Variants in LUZP2 observed in about 807,000 individuals in gnomAD.
LUZP2 encodes the protein leucine zipper protein 2.
Under a neutral mutation model 51.6 loss-of-function variants are expected in LUZP2, and 52 were observed. That is an observed-to-expected ratio of 1.01 (90% confidence interval 0.81 to 1.27). The LOEUF (loss-of-function observed/expected upper bound fraction) is 1.27, where lower values mean the gene tolerates loss of function less well. Among genes scored for constraint, LUZP2 ranks in the 50% most tolerant of loss-of-function variants. LUZP2 has a pLI of 0.00. For missense variants in LUZP2, 436 were observed against 395.4 expected (o/e 1.10, Z -0.87); for synonymous variants, 154 against 137.3 (o/e 1.12, Z -0.85).
At chr11:25,026,310 A>T (rs1487286347) in intron 9 of LUZP2, among the ~76,000 whole-genome samples, 1 of 152,164 alleles carries the variant, frequency 6.6e-6, no homozygotes, top group Non-Finnish European at 1.5e-5. Flanking sequence ...GTAAAAATAA[A>T]ATAAAATAAG....
chr11:24,745,030 T>C (rs1859326179), intron 4 of LUZP2, among the ~76,000 whole-genome samples: 1 of 152,204 alleles, frequency 6.6e-6, no homozygotes, highest in South Asian at 2.1e-4. Context: ...AAGGTTTCTT[T>C]TGGAGTTGAT....
chr11:24,943,809 C>A (rs1377547087), intron 7 of LUZP2, among the ~76,000 whole-genome samples: 4 of 147,244 alleles, frequency 2.7e-5, no homozygotes, highest in African/African-American at 1.0e-4. Context: ...ACCCAGGAGG[C>A]AGAGGTTGTA....
chr11:24,568,328 A>G (rs1454969513), intron 1 of LUZP2, among the ~76,000 whole-genome samples: 3 of 142,630 alleles, frequency 2.1e-5, no homozygotes, highest in Non-Finnish European at 4.6e-5. Context: ...CCACTGCACT[A>G]GGCTGACAGA....
chr11:24,905,205 T>C (rs2133786361), intron 5 of LUZP2, among the ~76,000 whole-genome samples: 1 of 152,138 alleles, frequency 6.6e-6, no homozygotes, highest in East Asian at 1.9e-4. Context: ...ACTAGACATG[T>C]TATCCAAACA....
intron 7 of LUZP2, among the ~76,000 whole-genome samples, chr11:24,916,077 A>G (rs1401063612): frequency 6.6e-6 from 1 of 152,076 alleles, no homozygotes; most frequent in Non-Finnish European, 1.5e-5. Context: ...CATCCTAAAA[A>G]TAATGACACA....
chr11:24,952,783 G>A (rs762346192), intron 7 of LUZP2, among the ~76,000 whole-genome samples: 2 of 151,872 alleles, frequency 1.3e-5, no homozygotes, highest in Non-Finnish European at 2.9e-5. Flanking sequence ...AGAACTTGCT[G>A]TGTAACACTA....
chr11:24,623,014 C>G (rs1286323125), intron 1 of LUZP2, among the ~76,000 whole-genome samples: 1 of 152,030 alleles, frequency 6.6e-6, no homozygotes, highest in Non-Finnish European at 1.5e-5. Context: ...TCATCAATTT[C>G]CATTCCGCCC....
intron 9 of LUZP2, among the ~76,000 whole-genome samples, chr11:25,036,143 A>G (rs1857852349): frequency 6.6e-6 from 1 of 152,064 alleles, no homozygotes; most frequent in African/African-American, 2.4e-5. Flanking sequence ...CAATTTTATA[A>G]GTTGATATTG....
intron 1 of LUZP2, among the ~76,000 whole-genome samples, chr11:24,531,039 T>TTTATTATTATTATTATTATA (rs1554949519): frequency 1.4e-5 from 2 of 144,838 alleles, no homozygotes; most frequent in African/African-American, 5.2e-5. Context: ...TTTAGCCTCT[T>TTTATTATTATTATTATTATA]TTATTATTAT....
At chr11:24,562,246 G>A (rs1356782454) in intron 1 of LUZP2, among the ~76,000 whole-genome samples, 1 of 152,070 alleles carries the variant, frequency 6.6e-6, no homozygotes, top group African/African-American at 2.4e-5. Context: ...CCTTATATAT[G>A]TAAGTTGGCA....
intron 5 of LUZP2, among the ~76,000 whole-genome samples, chr11:24,795,302 A>G (rs561758395): frequency 1.3e-5 from 2 of 152,188 alleles, no homozygotes; most frequent in South Asian, 2.1e-4. Flanking sequence ...CTCCACCTAG[A>G]GAAAAATTGG....
chr11:24,504,937 T>C (rs545626877), intron 1 of LUZP2, among the ~76,000 whole-genome samples: 1 of 152,298 alleles, frequency 6.6e-6, no homozygotes, highest in South Asian at 2.1e-4. Context: ...TACTCTAATT[T>C]CTAATTCTCA....
At chr11:24,572,473 T>C (rs1297902090) in intron 1 of LUZP2, among the ~76,000 whole-genome samples, 5 of 152,086 alleles carry the variant, frequency 3.3e-5, no homozygotes, top group African/African-American at 1.2e-4. Context: ...GAGTTCATTA[T>C]TCTTTGTGTA....
chr11:24,680,218 T>C lies in LUZP2; in HGVS notation c.63-48951T>C, dbSNP rs12574576. Among the ~76,000 whole-genome samples, 56 of 152,350 alleles carry C rather than the reference T, an allele frequency of 3.7e-4. No individual in the cohort carries two copies. In the East Asian group the frequency reaches 0.01, roughly 27 times the overall value. ...AAAAAGAAAGGCACAGAGTTGCTAA[T>C]GTCCTTCTGGCAGAAAAGGAGCAAG... On this transcript the variant is annotated intron_variant, in intron 1 of 11. Coordinates refer to ENST00000336930, the MANE Select transcript of LUZP2 (RefSeq NM_001009909.4).
At chr11:25,036,844 A>T (rs894950354) in intron 9 of LUZP2, among the ~76,000 whole-genome samples, 10 of 152,032 alleles carry the variant, frequency 6.6e-5, no homozygotes, top group South Asian at 2.1e-4. Flanking sequence ...TTCATTTTTA[A>T]AAAAAAATTT....
intron 7 of LUZP2, among the ~76,000 whole-genome samples, chr11:24,963,229 A>G (rs1447456747): frequency 6.6e-6 from 1 of 152,156 alleles, no homozygotes; most frequent in African/African-American, 2.4e-5. Context: ...GACCCACTTG[A>G]GGAGGCAGTC....
chr11:24,918,956 T>C (rs917681953), intron 7 of LUZP2, among the ~76,000 whole-genome samples: 1 of 145,266 alleles, frequency 6.9e-6, no homozygotes, highest in Admixed American at 6.9e-5. Flanking sequence ...ATATCCATAA[T>C]ATGTATTATA....
At chr11:24,548,907 T>C (rs1042970603) in intron 1 of LUZP2, among the ~76,000 whole-genome samples, 14 of 151,960 alleles carry the variant, frequency 9.2e-5, no homozygotes, top group African/African-American at 3.4e-4. Context: ...TGTATATGTT[T>C]CATGGTAAAT....
chr11:24,711,318 C>T (rs564410976), intron 1 of LUZP2, among the ~76,000 whole-genome samples: 39 of 152,086 alleles, frequency 2.6e-4, no homozygotes, highest in Middle Eastern at 3.4e-3. Flanking sequence ...GGTGTGGCGG[C>T]GGGTGCCTGC....
Sources: allele counts gnomAD v4.1 joint callset (sites outside exome capture counted in the v4.1 genomes callset), GRCh38; gene constraint gnomAD v4.1.1; transcripts MANE v1.5; gene names NCBI Gene and HGNC (gene_info 2026-07-23, HGNC 2026-07-21).